DPYD: variants seen among roughly 807,000 people sequenced by gnomAD.
The protein encoded by DPYD is dihydropyrimidine dehydrogenase [NADP(+)].
A neutral mutation model predicts 116.2 loss-of-function variants in DPYD; 109 were observed. The observed-to-expected ratio is 0.94, with a 90% CI of 0.80 to 1.10. The LOEUF (loss-of-function observed/expected upper bound fraction) is 1.10. Among genes scored for constraint, DPYD ranks in the 50% least tolerant of loss-of-function variants. The pLI is 0.00. For synonymous variants in DPYD, 440 were observed against 432.0 expected (o/e 1.02, Z -0.23); for missense variants, 1,302 against 1,254.5 (o/e 1.04, Z -0.57).
chr1:97,827,739 T>C (rs1251628035), intron 3 of DPYD, among the ~76,000 whole-genome samples: 1 of 152,068 alleles, frequency 6.6e-6, no homozygotes, highest in Non-Finnish European at 1.5e-5. Context: ...CTCTTTAAAT[T>C]AAATATTAAT....
chr1:97,174,903 T>G (rs1657137877), intron 20 of DPYD, among the ~76,000 whole-genome samples: 1 of 152,172 alleles, frequency 6.6e-6, no homozygotes, highest in African/African-American at 2.4e-5. Flanking sequence ...GGAGAAAATT[T>G]CTGTCTTGAT....
intron 2 of DPYD, among the ~76,000 whole-genome samples, chr1:97,861,801 A>G (rs955878890): frequency 3.9e-5 from 6 of 152,014 alleles, no homozygotes; most frequent in African/African-American, 1.2e-4. Context: ...CAATGCGGAA[A>G]GGGATTAAGA....
chr1:97,771,163 CA>C (rs896795948), intron 3 of DPYD, among the ~76,000 whole-genome samples: 1 of 150,800 alleles, frequency 6.6e-6, no homozygotes. Context: ...ACTAAAAATA[CA>C]AAAAAAAATT....
intron 7 of DPYD, among the ~76,000 whole-genome samples, chr1:97,686,493 C>A (rs569204496): frequency 2.6e-5 from 4 of 151,180 alleles, no homozygotes; most frequent in South Asian, 2.1e-4. Flanking sequence ...AAAAATTAGC[C>A]GGGCGTGGTA....
intron 9 of DPYD, 114 bp downstream of exon 9, chr1:97,594,945 G>T: frequency 7.8e-5 from 51 of 650,386 alleles, no homozygotes; most frequent in Non-Finnish European, 8.2e-5. Flanking sequence ...TTGGGTCTTA[G>T]GCAAGGTTGG....
chr1:97,224,096 C>T (rs1312568419), intron 19 of DPYD, among the ~76,000 whole-genome samples: 1 of 151,864 alleles, frequency 6.6e-6, no homozygotes, highest in Admixed American at 6.6e-5. Context: ...TAATGAAATC[C>T]TGTCAAATAA....
intron 20 of DPYD, among the ~76,000 whole-genome samples, chr1:97,124,569 T>C (rs1652690222): frequency 1.3e-5 from 2 of 152,142 alleles, no homozygotes; most frequent in South Asian, 2.1e-4. Flanking sequence ...CATGCTTTAG[T>C]GTCTACAAAG....
intron 3 of DPYD, among the ~76,000 whole-genome samples, chr1:97,749,192 A>AGG (rs1664732532): frequency 6.6e-6 from 1 of 152,230 alleles, no homozygotes; most frequent in South Asian, 2.1e-4. Flanking sequence ...GTGACAAAAT[A>AGG]GGCTATCCAT....
At chr1:97,399,614 T>C (rs1315807839) in intron 14 of DPYD, among the ~76,000 whole-genome samples, 3 of 152,134 alleles carry the variant, frequency 2.0e-5, no homozygotes, top group Non-Finnish European at 4.4e-5. Context: ...TGTATCCTCT[T>C]TTATTATGTT....
intron 13 of DPYD, among the ~76,000 whole-genome samples, chr1:97,455,444 A>C (rs1317724608): frequency 6.6e-6 from 1 of 151,980 alleles, no homozygotes; most frequent in Non-Finnish European, 1.5e-5. Context: ...CAAAAATTAA[A>C]TGTACTTCAT....
At chr1:97,605,958 A>G (rs1404534962) in intron 8 of DPYD, among the ~76,000 whole-genome samples, 1 of 152,120 alleles carries the variant, frequency 6.6e-6, no homozygotes, top group Non-Finnish European at 1.5e-5. Context: ...GGACACTTTA[A>G]AACATTCAGT....
chr1:97,573,719 A>G, intron 11 of DPYD, 41 bp downstream of exon 11: 1 of 1,611,526 alleles, frequency 6.2e-7, no homozygotes, highest in African/African-American at 1.3e-5. Context: ...CACTAAAATA[A>G]CAGACAATTG....
At chr1:97,527,236 G>A (rs935636485) in intron 12 of DPYD, among the ~76,000 whole-genome samples, 98 of 152,002 alleles carry the variant, frequency 6.4e-4, no homozygotes, top group East Asian at 7.8e-4. Flanking sequence ...CTGCCACCAC[G>A]CCCAGCTAAT....
intron 14 of DPYD, among the ~76,000 whole-genome samples, chr1:97,383,000 A>G (rs562255180): frequency 1.1e-4 from 17 of 152,302 alleles, no homozygotes; most frequent in African/African-American, 3.9e-4. Flanking sequence ...TGATTATTTA[A>G]CTACATTATT....
chr1:97,814,019 C>T (rs1274250032), intron 3 of DPYD, among the ~76,000 whole-genome samples: 5 of 152,006 alleles, frequency 3.3e-5, no homozygotes, highest in Non-Finnish European at 5.9e-5. Context: ...CAAATTCTGG[C>T]TCCTTCAATT....
chr1:97,771,666 A>T (rs1324328962), intron 3 of DPYD, among the ~76,000 whole-genome samples: 3 of 152,204 alleles, frequency 2.0e-5, no homozygotes, highest in African/African-American at 7.2e-5. Flanking sequence ...AATCTTCTTT[A>T]AAACTAATTA....
chr1:97,305,523 C>T (rs895253787), intron 17 of DPYD, 145 bp from the exon 18 acceptor site: 16 of 1,094,718 alleles, frequency 1.5e-5, no homozygotes, highest in Non-Finnish European at 1.9e-5. Flanking sequence ...TAATTTAACT[C>T]CTACATTTAT....
At chr1:97,561,877 C>G (rs1652177173) in intron 11 of DPYD, among the ~76,000 whole-genome samples, 1 of 152,148 alleles carries the variant, frequency 6.6e-6, no homozygotes, top group Non-Finnish European at 1.5e-5. Flanking sequence ...ATGTCACTGC[C>G]TCCACAAAAC....
At chr1:97,305,785 A>C (rs1667122082) in intron 17 of DPYD, among the ~76,000 whole-genome samples, 1 of 152,130 alleles carries the variant, frequency 6.6e-6, no homozygotes, top group South Asian at 2.1e-4. Flanking sequence ...AAGAGAACTC[A>C]TAAGAAATTT....
Sources: gnomAD v4.1 joint callset for allele counts (sites outside exome capture counted in the v4.1 genomes callset) on GRCh38, gnomAD v4.1.1 for gene constraint, MANE v1.5 for transcripts, NCBI Gene and HGNC (gene_info 2026-07-23, HGNC 2026-07-21) for gene names.